Variants in LIMS2 observed in about 807,000 individuals in gnomAD.
LIMS2 encodes the protein LIM zinc finger domain containing 2, also known as LIM and senescent cell antigen-like-containing domain protein 2.
LIMS2 carries 30 observed loss-of-function variants against 45.3 expected under a neutral mutation model. The observed-to-expected ratio is 0.66, with a 90% CI of 0.50 to 0.90. LIMS2 has a LOEUF of 0.90. Ranked by LOEUF, LIMS2 falls within the 40% of genes least tolerant of loss-of-function variation. LIMS2 has a pLI of 0.00. For synonymous variants in LIMS2, 173 were observed against 188.0 expected (o/e 0.92, Z 0.65); for missense variants, 485 against 468.7 (o/e 1.03, Z -0.32).
At chr2:127,655,017 G>A in intron 2 of LIMS2, 121 bp from the exon 3 acceptor site, 1 of 910,120 alleles carries the variant, frequency 1.1e-6, no homozygotes, top group Non-Finnish European at 1.8e-6. Flanking sequence ...GGGCATGCCG[G>A]GCTGAGGCTG....
chr2:127,644,864 C>T (rs866901385), intron 4 of LIMS2, among the ~76,000 whole-genome samples: 6 of 152,314 alleles, frequency 3.9e-5, no homozygotes, highest in African/African-American at 9.6e-5. Flanking sequence ...AAGAGACCTG[C>T]GCCCCGGCTC....
At chr2:127,665,980 A>G (rs1338278607) in intron 1 of LIMS2, among the ~76,000 whole-genome samples, 1 of 152,246 alleles carries the variant, frequency 6.6e-6, no homozygotes, top group Non-Finnish European at 1.5e-5. Context: ...AAAAGCGGAC[A>G]TCGAAGGCTA....
chr2:127,661,293 C>G (rs1224942104), intron 1 of LIMS2, among the ~76,000 whole-genome samples: 1 of 152,204 alleles, frequency 6.6e-6, no homozygotes, highest in Non-Finnish European at 1.5e-5. Context: ...ACAGCCACAT[C>G]GAGGAGCCAA....
rs1289634952 is a variant in LIMS2 at position 127,653,918 on chromosome 2, G to A, written c.359+506C>T. Among the ~76,000 whole-genome samples the A allele has an allele frequency of 6.6e-6, 1 of 152,130 alleles. No individual in the cohort carries two copies. The highest frequency in any genetic ancestry group is 2.4e-5 in the African/African-American group (1 of 41,416). Reference sequence around the variant, plus strand: ...GGGATGAACAGGGCTCACAGACAGAGGCCGGGCTGCACGGGATCTCAGAGC... The same window carrying A: ...GGGATGAACAGGGCTCACAGACAGAAGCCGGGCTGCACGGGATCTCAGAGC... On this transcript the variant is annotated intron_variant, in intron 4 of 9. Coordinates refer to ENST00000355119, the MANE Select transcript of LIMS2 (RefSeq NM_001161403.3). This position sits in a 1 kb window ranked among gnomAD's most constrained non-coding sequence, Gnocchi z 5.3.
Position 127,642,186 on chromosome 2 carries a change from C to G in LIMS2, c.523G>C (p.Ala175Pro). 6.4e-7 allele frequency: 1 copy of G among 1,561,184 alleles called. No homozygotes were observed. Among genetic ancestry groups the G allele is most frequent in the Non-Finnish European group, 8.7e-7 (1 of 1,148,340 alleles). ...NCTHCGKELT[A>P]EARELKGELY... The stretch of plus-strand genomic sequence containing the variant: ...TCACCCTTCAGCTCGCGGGCCTCGG[C>G]TGTCAGCTCCTTCCTGGAAGACAGC... Residue 175 changes from alanine (A) to proline (P), a missense_variant, in exon 6 of 10, where the codon GCC (alanine) becomes CCC (proline). By Grantham distance (27) the Ala-to-Pro change is conservative. Transcript: ENST00000355119. The surrounding 1 kb of genome is among the most constrained non-coding windows in gnomAD (Gnocchi z 5.3).
chr2:127,674,864 CG>C (rs1685434923), intron 1 of LIMS2, 149 bp downstream of exon 1: 1 of 1,209,656 alleles, frequency 8.3e-7, no homozygotes. Flanking sequence ...CCCCGACGGG[CG>C]CTGCCGCCCC....
upstream of LIMS2, among the ~76,000 whole-genome samples, chr2:127,680,400 C>T (rs2105354620): frequency 6.6e-6 from 1 of 152,346 alleles, no homozygotes; most frequent in South Asian, 2.1e-4. Flanking sequence ...TTACAGTGAG[C>T]TATGATTGTG....
At chr2:127,675,592 AC>A (rs898805836), upstream of LIMS2, among the ~76,000 whole-genome samples, 2 of 151,480 alleles carry the variant, frequency 1.3e-5, no homozygotes, top group Non-Finnish European at 2.9e-5. Context: ...GCGAACAAGC[AC>A]CCCCACCCCC....
intron 1 of LIMS2, 117 bp from the exon 2 acceptor site, chr2:127,657,679 G>T: frequency 8.6e-7 from 1 of 1,157,136 alleles, no homozygotes; most frequent in Non-Finnish European, 1.2e-6. Flanking sequence ...ACGCTCTGCA[G>T]GATCAGGAAA....
At position 127,667,003 on chromosome 2, in the gene LIMS2, A is replaced by G. The variant is rs889870743; in HGVS notation, c.11+8011T>C. Among the ~76,000 whole-genome samples, 1 of 152,238 alleles carries G rather than the reference A, an allele frequency of 6.6e-6. No homozygotes were observed. The highest frequency in any genetic ancestry group is 2.4e-5 in the African/African-American group (1 of 41,464). Reference sequence around the variant, plus strand: ...ACAAAGCCTACCCAAATCACTTAGTAAGGCCAGTAACATGTAAAGAGACTG... The same window carrying G: ...ACAAAGCCTACCCAAATCACTTAGTGAGGCCAGTAACATGTAAAGAGACTG... On this transcript the variant is annotated intron_variant, in intron 1 of 9. Coordinates refer to ENST00000355119, the MANE Select transcript of LIMS2 (RefSeq NM_001161403.3). The surrounding 1 kb of genome is among the most constrained non-coding windows in gnomAD (Gnocchi z 4.1).
At chr2:127,673,223 G>C (rs970775046) in intron 1 of LIMS2, among the ~76,000 whole-genome samples, 1 of 152,206 alleles carries the variant, frequency 6.6e-6, no homozygotes, top group Admixed American at 6.5e-5. Context: ...AAAGGACTGC[G>C]GGGAGCCACC....
In LIMS2 at chr2:127,642,825, C is replaced by G; in HGVS notation, c.509+98G>C. 6 of 1,360,626 alleles carry G rather than the reference C, an allele frequency of 4.4e-6. 1 individual carries two copies. Among genetic ancestry groups the G allele is most frequent in the Non-Finnish European group, 6.0e-6 (6 of 1,002,744 alleles). The allele number at this position is 1,360,626 out of a possible 1,614,324, so 84.3% of individuals were successfully genotyped here. On this transcript the variant is annotated intron_variant, in intron 5 of 9. Coordinates refer to ENST00000355119, the MANE Select transcript of LIMS2 (RefSeq NM_001161403.3). The surrounding 1 kb of genome is among the most constrained non-coding windows in gnomAD (Gnocchi z 5.3). ...GTCTGCCCACCCTGCTCCCCTCTCCCTCCTCAACACTTCCCCAGGTGGAGG... is the reference window on the plus strand; with the variant it reads ...GTCTGCCCACCCTGCTCCCCTCTCCGTCCTCAACACTTCCCCAGGTGGAGG...
intron 6 of LIMS2, chr2:127,641,778 C>T (rs1015834847): frequency 7.2e-5 from 30 of 419,260 alleles, no homozygotes; most frequent in Admixed American, 2.5e-4. Flanking sequence ...TTTCTCCTGA[C>T]CTTGGAGTCT....
upstream of LIMS2, among the ~76,000 whole-genome samples, chr2:127,675,663 C>T (rs1271435190): frequency 6.6e-6 from 1 of 152,204 alleles, no homozygotes; most frequent in Non-Finnish European, 1.5e-5. Context: ...CCGCCCCAAC[C>T]GCAAACGCGT....
At chr2:127,673,001 A>C (rs112172972) in intron 1 of LIMS2, among the ~76,000 whole-genome samples, 1 of 152,208 alleles carries the variant, frequency 6.6e-6, no homozygotes, top group African/African-American at 2.4e-5. Context: ...GGTGGAAATG[A>C]AACTCCACTG....
chr2:127,678,342 C>T (rs187052236), upstream of LIMS2, among the ~76,000 whole-genome samples: 2 of 152,138 alleles, frequency 1.3e-5, no homozygotes, highest in African/African-American at 2.4e-5. This position sits in a 1 kb window ranked among gnomAD's most constrained non-coding sequence, Gnocchi z 5.3. Flanking sequence ...GAGGTGGTAA[C>T]GTGAGTCTAC....
chr2:127,642,327 C>T lies in LIMS2; in HGVS notation c.510-128G>A, dbSNP rs1375198903. The T allele has an allele frequency of 3.5e-6, 4 of 1,131,488 alleles. No homozygotes were observed. Among genetic ancestry groups the T allele is most frequent in the Non-Finnish European group, 3.6e-6 (3 of 832,428 alleles). 70.1% of individuals were successfully genotyped at this position (1,131,488 alleles called of 1,614,324 possible). On this transcript the variant is annotated intron_variant, in intron 5 of 9. Coordinates refer to ENST00000355119, the MANE Select transcript of LIMS2 (RefSeq NM_001161403.3). The surrounding 1 kb of genome is among the most constrained non-coding windows in gnomAD (Gnocchi z 5.3). ...TGTCCCTGCAGAGCCGAGGCGGCAG[C>T]GCCTTCTGATCTCTGGGCACTTTGA...
upstream of LIMS2, among the ~76,000 whole-genome samples, chr2:127,676,788 C>T (rs1054026654): frequency 6.6e-6 from 1 of 152,176 alleles, no homozygotes; most frequent in African/African-American, 2.4e-5. Flanking sequence ...AGGCTTTCCA[C>T]CATTACTGAC....
At chr2:127,650,022 G>T in intron 4 of LIMS2, 1 of 1,608,572 alleles carries the variant, frequency 6.2e-7, no homozygotes, top group South Asian at 1.1e-5. Context: ...ATGTCCAAAC[G>T]GAGTTGGTGG....
Sources: allele counts gnomAD v4.1 joint callset (sites outside exome capture counted in the v4.1 genomes callset), GRCh38; gene constraint gnomAD v4.1.1; non-coding constraint Gnocchi (gnomAD v3.1); transcripts MANE v1.5; gene names NCBI Gene and HGNC (gene_info 2026-07-23, HGNC 2026-07-21).